Variants in ACSM2A observed in about 807,000 individuals in gnomAD.
ACSM2A encodes the protein acyl-CoA synthetase medium chain family member 2A.
A neutral mutation model predicts 76.6 loss-of-function variants in ACSM2A; 72 were observed. The ratio of observed to expected loss-of-function variants is 0.94; its 90% CI spans 0.78 to 1.14. The LOEUF (loss-of-function observed/expected upper bound fraction) is 1.14, where lower values mean the gene tolerates loss of function less well. Among genes scored for constraint, ACSM2A ranks in the 50% most tolerant of loss-of-function variants. The pLI is 0.00. For missense variants in ACSM2A, 684 were observed against 708.5 expected (o/e 0.97, Z 0.39); for synonymous variants, 249 against 255.9 (o/e 0.97, Z 0.26).
At chr16:20,464,943 T>C (rs980023205) in intron 2 of ACSM2A, among the ~76,000 whole-genome samples, 1 of 152,104 alleles carries the variant, frequency 6.6e-6, no homozygotes, top group Non-Finnish European at 1.5e-5. Context: ...AAATGTTATG[T>C]GTATTTTTAC....
At chr16:20,469,856 A>T in intron 4 of ACSM2A, 137 bp downstream of exon 4, 1 of 1,254,300 alleles carries the variant, frequency 8.0e-7, no homozygotes, top group Non-Finnish European at 1.1e-6. Flanking sequence ...GAAGAAATAA[A>T]AGCTAACACA....
chr16:20,483,957 T>G (rs190513721), intron 13 of ACSM2A, among the ~76,000 whole-genome samples: 2 of 152,096 alleles, frequency 1.3e-5, no homozygotes, highest in East Asian at 3.9e-4. Flanking sequence ...GTTTGATTTC[T>G]TGGAATGCTT....
intron 12 of ACSM2A, 46 bp from the exon 13 acceptor site, chr16:20,483,012 A>T (rs747933087): frequency 1.2e-6 from 2 of 1,605,090 alleles, no homozygotes; most frequent in Non-Finnish European, 8.5e-7. Context: ...CCAGGAGATG[A>T]CTACACACTC....
intron 2 of ACSM2A, among the ~76,000 whole-genome samples, chr16:20,464,151 C>T (rs1323984358): frequency 2.6e-5 from 4 of 152,194 alleles, no homozygotes; most frequent in Non-Finnish European, 2.9e-5. Context: ...ATTTTGGTCA[C>T]AACTATTTAA....
chr16:20,465,396 T>C, intron 2 of ACSM2A, 121 bp from the exon 3 acceptor site: 1 of 1,290,218 alleles, frequency 7.8e-7, no homozygotes, highest in East Asian at 2.6e-5. Flanking sequence ...TTTAAGATTG[T>C]ATGGAGGTGC....
chr16:20,459,381 C>T (rs1266574519), intron 1 of ACSM2A, among the ~76,000 whole-genome samples: 1 of 152,196 alleles, frequency 6.6e-6, no homozygotes, highest in Non-Finnish European at 1.5e-5. Flanking sequence ...TCCAGATTCA[C>T]TTTAAAGAAA....
At chr16:20,479,621 C>A (rs375001889) in intron 10 of ACSM2A, among the ~76,000 whole-genome samples, 12 of 152,310 alleles carry the variant, frequency 7.9e-5, no homozygotes, top group African/African-American at 2.9e-4. Context: ...AAAACTGAGC[C>A]TCAGTGATCA....
rs2014391935 is a variant in ACSM2A, at chr16:20,486,559, T to C, written c.1630-15T>C. On this transcript the variant is annotated splice_polypyrimidine_tract_variant and intron_variant, in intron 13 of 13. Coordinates refer to ENST00000573854, the MANE Select transcript of ACSM2A (RefSeq NM_001308172.2). ...TCACAGATCACCCACCCTGGACTGA[T>C]TTGTTTTTCAACAGATAGAGTTTGT... 9.3e-6 allele frequency: 15 copies of C among 1,613,758 alleles called. No individual in the cohort carries two copies. Among genetic ancestry groups the C allele is most frequent in the Non-Finnish European group, 1.2e-5 (14 of 1,179,772 alleles).
intron 8 of ACSM2A, 144 bp from the exon 9 acceptor site, chr16:20,477,225 G>A: frequency 1.5e-6 from 2 of 1,339,082 alleles, no homozygotes; most frequent in Non-Finnish European, 2.0e-6. Context: ...TGGGGAGAGA[G>A]CCAGGGAATG....
rs35674523 is a variant in ACSM2A, at chr16:20,469,872, ATTTTTTT to A, written c.596+171_596+177del. On this transcript the variant is annotated intron_variant, in intron 4 of 13. Transcript: ENST00000573854. ...AAGAAATAAAAGCTAACACAAGGGT[ATTTTTTT>A]TTTTTTTTTTTTTTTTTCAAATCAT... is the stretch of plus-strand genomic sequence containing the variant. 3.4e-3 allele frequency among the ~76,000 whole-genome samples: 233 copies of A among 67,720 alleles called. 1 individual carries two copies. Among genetic ancestry groups the A allele is most frequent in the Admixed American group, 0.011 (66 of 6,064 alleles). 44.4% of individuals were successfully genotyped at this position (67,720 alleles called of 152,430 possible). A position where few individuals can be genotyped will look rare whatever the true frequency, so the allele number is the denominator to read the frequency against.
chr16:20,469,430 C>G (rs527288231), intron 3 of ACSM2A, 82 bp from the exon 4 acceptor site: 2 of 1,586,342 alleles, frequency 1.3e-6, no homozygotes, highest in Non-Finnish European at 1.7e-6. Context: ...CCCACTTGCT[C>G]GCTGCTTGAT....
intron 6 of ACSM2A, among the ~76,000 whole-genome samples, chr16:20,473,095 A>G (rs766954884): frequency 2.2e-4 from 34 of 152,108 alleles, no homozygotes; most frequent in Non-Finnish European, 3.2e-4. Flanking sequence ...TGATAGAGGG[A>G]TTGGGTTATT....
At chr16:20,468,860 AT>A (rs1479732916) in intron 3 of ACSM2A, among the ~76,000 whole-genome samples, 1 of 152,222 alleles carries the variant, frequency 6.6e-6, no homozygotes, top group Non-Finnish European at 1.5e-5. Flanking sequence ...TTTCAGTATC[AT>A]TAAGAGCAAA....
chr16:20,482,933 T>A (rs1412870285), intron 12 of ACSM2A, 125 bp from the exon 13 acceptor site: 40 of 1,454,372 alleles, frequency 2.8e-5, no homozygotes, highest in Non-Finnish European at 9.3e-7. Context: ...TCCCTTGACC[T>A]GGATCACCGG....
intron 6 of ACSM2A, among the ~76,000 whole-genome samples, chr16:20,472,479 T>C (rs1036297898): frequency 5.7e-4 from 87 of 152,124 alleles, no homozygotes; most frequent in Admixed American, 1.3e-3. Context: ...CTAAAAGCCC[T>C]GCCTCCAAAT....
intron 9 of ACSM2A, 97 bp from the exon 10 acceptor site, chr16:20,478,479 A>T: frequency 7.0e-7 from 1 of 1,430,400 alleles, no homozygotes; most frequent in East Asian, 2.4e-5. Context: ...CACTAGAGCA[A>T]GAGGGTCTTT....
At chr16:20,465,754 A>T (rs771670429) in intron 3 of ACSM2A, 27 bp downstream of exon 3, 1 of 1,606,652 alleles carries the variant, frequency 6.2e-7, no homozygotes, top group African/African-American at 1.3e-5. Flanking sequence ...CTGGACAGAG[A>T]ACTGTCTTCC....
Position 20,478,596 on chromosome 16 carries a change from C to A in ACSM2A, c.1200C>A (p.Asn400Lys), listed in dbSNP as rs766707312. The change falls in exon 10 of 14, where the codon AAC becomes AAA. Residue 400 changes from asparagine to lysine, a missense_variant. Asn to Lys is a moderately conservative substitution (Grantham distance 94). Around this residue, in one of 3 missense-constraint regions of ACSM2A, gnomAD observed 519 missense variants for 549.5 expected, o/e 0.94. Transcript: ENST00000573854. The stretch of plus-strand genomic sequence containing the variant: ...TCCAGATCATAGATGATAAGGGCAA[C>A]GTCCTGCCCCCCGGCACAGAAGGAG... ...YDVQIIDDKG[N>K]VLPPGTEGDI... is the part of the protein sequence containing the mutation. The A allele has an allele frequency of 6.2e-7, 1 of 1,613,660 alleles. No homozygotes were observed. The highest frequency in any genetic ancestry group is 1.7e-5 in the Admixed American group (1 of 59,996).
In ACSM2A at chr16:20,478,666, T is replaced by C. The variant is rs2013904717; in HGVS notation, c.1270T>C (p.Ser424Pro). The C allele has an allele frequency of 6.2e-7, 1 of 1,612,436 alleles. No individual in the cohort carries two copies. The highest frequency in any genetic ancestry group is 8.5e-7 in the Non-Finnish European group (1 of 1,178,892). The stretch of plus-strand genomic sequence containing the variant: ...ACCCATCAGGCCTATAGGCATCTTC[T>C]CTGGCTATGTGGTGAGAAACTGTGC... The part of the protein sequence containing the change: ...VKPIRPIGIF[S>P]GYVDNPDKTA... The change falls in exon 10 of 14, where the codon TCT (serine) becomes CCT (proline). Residue 424 changes from serine to proline, a missense_variant. This residue lies in a region of ACSM2A where 519 missense variants were observed against 549.5 expected (regional missense o/e 0.94). Coordinates refer to ENST00000573854, the MANE Select transcript of ACSM2A (RefSeq NM_001308172.2).
Sources: gnomAD v4.1 joint callset for allele counts (sites outside exome capture counted in the v4.1 genomes callset) on GRCh38, gnomAD v4.1.1 for gene constraint, gnomAD v4.1.1 regional missense constraint, MANE v1.5 for transcripts, NCBI Gene and HGNC (gene_info 2026-07-23, HGNC 2026-07-21) for gene names.